SRPK1: variants seen among roughly 807,000 people sequenced by gnomAD.
SRPK1 encodes SFRS protein kinase 1.
Under a neutral mutation model 89.5 loss-of-function variants are expected in SRPK1, and 52 were observed. The observed-to-expected ratio is 0.58, with a 90% CI of 0.46 to 0.73. SRPK1 has a LOEUF of 0.73. Among genes scored for constraint, SRPK1 ranks in the 30% least tolerant of loss-of-function variants. The pLI, the probability that SRPK1 is intolerant of heterozygous loss-of-function variation, is 0.00. For synonymous variants in SRPK1, 255 were observed against 270.2 expected (o/e 0.94, Z 0.55); for missense variants, 603 against 780.6 (o/e 0.77, Z 2.71).
intron 7 of SRPK1, 81 bp from the exon 8 acceptor site, chr6:35,872,809 A>T (rs1770061858): frequency 4.0e-6 from 2 of 504,560 alleles, no homozygotes; most frequent in South Asian, 5.7e-5. Context: ...CATGACATTA[A>T]AAAAAAAAAA....
rs1769882529 is a variant in SRPK1, at chr6:35,865,739, A to T, written c.1512+3271T>A. On this transcript the variant is annotated intron_variant, in intron 12 of 15. Coordinates refer to ENST00000373825, the MANE Select transcript of SRPK1 (RefSeq NM_003137.5). ...ATGGTTCTAGGAAAACTGGACTGCC[A>T]TATGCAGACGAATAAAAGATCCCTA... is the stretch of plus-strand genomic sequence containing the variant. 2.0e-5 allele frequency among the ~76,000 whole-genome samples: 3 copies of T among 152,204 alleles called. No homozygotes were observed. In the South Asian group the frequency reaches 6.2e-4, roughly 31 times the overall value.
At chr6:35,844,948 A>T (rs1279853028) in intron 13 of SRPK1, among the ~76,000 whole-genome samples, 4 of 152,310 alleles carry the variant, frequency 2.6e-5, no homozygotes, top group Non-Finnish European at 5.9e-5. Context: ...TCAGGAGGCT[A>T]GAAAATGAAA....
At chr6:35,892,835 G>C (rs1471571026) in intron 2 of SRPK1, among the ~76,000 whole-genome samples, 1 of 152,080 alleles carries the variant, frequency 6.6e-6, no homozygotes. Flanking sequence ...TTTTTCAAAA[G>C]ATTCAATTAA....
At chr6:35,903,228 A>C (rs1022754462) in intron 2 of SRPK1, among the ~76,000 whole-genome samples, 1 of 152,108 alleles carries the variant, frequency 6.6e-6, no homozygotes, top group African/African-American at 2.4e-5. Context: ...ACAAAAGTTC[A>C]CAAGAGGCCG....
chr6:35,837,852 C>T (rs1482411369), intron 15 of SRPK1, among the ~76,000 whole-genome samples: 2 of 151,666 alleles, frequency 1.3e-5, no homozygotes, highest in Non-Finnish European at 2.9e-5. Context: ...GCCACCATGC[C>T]TGGCTCCAGT....
chr6:35,913,745 C>G (rs186009994), intron 2 of SRPK1, among the ~76,000 whole-genome samples: 156 of 150,308 alleles, frequency 1.0e-3, no homozygotes, highest in African/African-American at 3.7e-3. Context: ...TTGCAGTGAG[C>G]CAAGATCATG....
Position 35,870,924 on chromosome 6 carries a change from T to C in SRPK1, c.777+10A>G. ...GATCAAAATTAAATATAAAAACACCTTATACTTACTGGTTTAGGCTGGGGA... is the reference window on the plus strand; with the variant it reads ...GATCAAAATTAAATATAAAAACACCCTATACTTACTGGTTTAGGCTGGGGA... On this transcript the variant is annotated intron_variant, in intron 9 of 15. Transcript: ENST00000373825. 6.2e-7 allele frequency: 1 copy of C among 1,602,830 alleles called. No homozygotes were observed.
chr6:35,856,478 T>C (rs1769668935), intron 13 of SRPK1, among the ~76,000 whole-genome samples: 1 of 152,186 alleles, frequency 6.6e-6, no homozygotes, highest in South Asian at 2.1e-4. Context: ...GAGGGCAATC[T>C]TGTGAGGAAC....
chr6:35,883,752 G>A (rs554282719), intron 6 of SRPK1, among the ~76,000 whole-genome samples: 49 of 141,596 alleles, frequency 3.5e-4, no homozygotes, highest in Non-Finnish European at 6.3e-4. Flanking sequence ...TTTTTTTTTT[G>A]AGGCGGAGTC....
At chr6:35,857,748 G>T (rs931473819) in intron 12 of SRPK1, among the ~76,000 whole-genome samples, 3 of 152,172 alleles carry the variant, frequency 2.0e-5, no homozygotes, top group Admixed American at 2.0e-4. Context: ...GATTACAGGC[G>T]TGAGCTACCA....
At chr6:35,891,667 C>T (rs2395646) in intron 2 of SRPK1, among the ~76,000 whole-genome samples, 41,215 of 149,062 alleles carry the variant, frequency 0.28, 5,964 homozygotes, top group South Asian at 0.41. Flanking sequence ...GTGGAGGCTA[C>T]GGTGAGACAA....
intron 2 of SRPK1, among the ~76,000 whole-genome samples, chr6:35,913,488 C>G (rs1327070065): frequency 6.6e-6 from 1 of 151,696 alleles, no homozygotes; most frequent in Admixed American, 6.6e-5. Context: ...AACAAGACCC[C>G]GTCTCAAAAA....
chr6:35,888,656 A>C (rs1770457584), intron 4 of SRPK1, among the ~76,000 whole-genome samples, 159 bp downstream of exon 4: 1 of 152,236 alleles, frequency 6.6e-6, no homozygotes. Flanking sequence ...ACGAAAGAAA[A>C]GTGGTTTCTC....
intron 6 of SRPK1, among the ~76,000 whole-genome samples, chr6:35,885,415 G>A (rs867535155): frequency 1.3e-5 from 2 of 151,968 alleles, no homozygotes; most frequent in Admixed American, 1.3e-4. Flanking sequence ...GGTAATCTGT[G>A]ATTTGTATTT....
intron 5 of SRPK1, among the ~76,000 whole-genome samples, chr6:35,887,597 G>T (rs1224391131): frequency 6.6e-6 from 1 of 151,902 alleles, no homozygotes; most frequent in African/African-American, 2.4e-5. Flanking sequence ...CAGTTTCCAG[G>T]TATAAATGGA....
chr6:35,852,297 CA>C (rs1769572279), intron 13 of SRPK1, among the ~76,000 whole-genome samples: 1 of 152,192 alleles, frequency 6.6e-6, no homozygotes, highest in Non-Finnish European at 1.5e-5. Flanking sequence ...TGGGATTCTG[CA>C]CATACCAACT....
chr6:35,869,362 G>T, intron 11 of SRPK1, 120 bp downstream of exon 11: 1 of 1,232,954 alleles, frequency 8.1e-7, no homozygotes, highest in Non-Finnish European at 1.1e-6. Flanking sequence ...CAATTTAAAC[G>T]TAACTTAGAC....
At chr6:35,902,990 C>T (rs897718985) in intron 2 of SRPK1, among the ~76,000 whole-genome samples, 3 of 151,872 alleles carry the variant, frequency 2.0e-5, no homozygotes, top group Non-Finnish European at 2.9e-5. Context: ...TAATTAAAGG[C>T]AAAGTGGGCC....
intron 3 of SRPK1, among the ~76,000 whole-genome samples, chr6:35,889,500 A>G (rs1324823576): frequency 6.6e-6 from 1 of 151,194 alleles, no homozygotes; most frequent in Non-Finnish European, 1.5e-5. Context: ...TACAAAAATT[A>G]AGGCTGGGCA....
Sources: gnomAD v4.1 joint callset for allele counts (sites outside exome capture counted in the v4.1 genomes callset) on GRCh38, gnomAD v4.1.1 for gene constraint, MANE v1.5 for transcripts, NCBI Gene and HGNC (gene_info 2026-07-23, HGNC 2026-07-21) for gene names.